The following MBTD1 variants were observed in gnomAD, a reference collection of about 807,000 sequenced individuals.
MBTD1 encodes the protein mbt domain containing 1, also known as MBT domain-containing protein 1.
Under a neutral mutation model 87.8 loss-of-function variants are expected in MBTD1, and 24 were observed. The ratio of observed to expected loss-of-function variants is 0.27; its 90% CI spans 0.20 to 0.38. The LOEUF (loss-of-function observed/expected upper bound fraction) is 0.38, where lower values mean the gene tolerates loss of function less well. Among genes scored for constraint, MBTD1 ranks in the 10% least tolerant of loss-of-function variants. MBTD1 has a pLI of 1.00. For synonymous variants in MBTD1, 237 were observed against 248.6 expected, an observed-to-expected ratio of 0.95 and a Z score of 0.44; for missense variants, 436 against 760.2, an observed-to-expected ratio of 0.57 and a Z score of 5.02.
In MBTD1 at chr17:51,187,254, C is replaced by A. The variant is rs191391229; in HGVS notation, c.1768+4949G>T. Among the ~76,000 whole-genome samples, 33 of 151,822 alleles carry A rather than the reference C, an allele frequency of 2.2e-4. No homozygotes were observed. In the East Asian group the frequency reaches 5.9e-3, roughly 27 times the overall value. ...GACCAGCCTGGGCAACACAGTGAGA[C>A]CCATCTCTACAAAAAATAAAAAAAA... On this transcript the variant is annotated intron_variant, in intron 16 of 16. Coordinates refer to ENST00000586178, the MANE Select transcript of MBTD1 (RefSeq NM_017643.3).
chr17:51,253,808 C>T (rs2054931830), intron 2 of MBTD1, among the ~76,000 whole-genome samples: 1 of 152,142 alleles, frequency 6.6e-6, no homozygotes, highest in Non-Finnish European at 1.5e-5. Context: ...AAACCATCCT[C>T]CCTATGAAAT....
intron 3 of MBTD1, among the ~76,000 whole-genome samples, chr17:51,222,003 G>T (rs549299873): frequency 6.6e-6 from 1 of 152,058 alleles, no homozygotes; most frequent in Admixed American, 6.6e-5. Context: ...AAAACTAAAC[G>T]GTTTTCTGTT....
chr17:51,224,992 G>A lies in MBTD1; in HGVS notation c.154+16C>T, dbSNP rs2053129178. On this transcript the variant is annotated intron_variant, in intron 3 of 16. Coordinates refer to ENST00000586178, the MANE Select transcript of MBTD1 (RefSeq NM_017643.3). ...AACATAAAGCTGTAGAACAGGTGAA[G>A]GTTATAAATACTCACCCATGCCAGA... The A allele has an allele frequency of 1.3e-6, 2 of 1,511,928 alleles. No homozygotes were observed. Among genetic ancestry groups the A allele is most frequent in the Non-Finnish European group, 1.8e-6 (2 of 1,119,618 alleles). The allele number at this position is 1,511,928 out of a possible 1,614,324, so 93.7% of individuals were successfully genotyped here.
chr17:51,217,430 A>AG lies in MBTD1; in HGVS notation c.404-15_404-14insC, dbSNP rs2052631219. ...CCATGGAGACTGCTAAAATGAAACA[A>AG]ATTTAGATGTATTATAATTCTCAAA... On this transcript the variant is annotated splice_polypyrimidine_tract_variant and intron_variant, in intron 5 of 16. Coordinates refer to ENST00000586178, the MANE Select transcript of MBTD1 (RefSeq NM_017643.3). 1 of 1,268,812 alleles carries AG rather than the reference A, an allele frequency of 7.9e-7. No individual in the cohort carries two copies. The highest frequency in any genetic ancestry group is 2.5e-5 in the Admixed American group (1 of 40,788). 78.6% of individuals were successfully genotyped at this position (1,268,812 alleles called of 1,614,324 possible).
At chr17:51,227,519 C>T (rs2053299459) in intron 2 of MBTD1, among the ~76,000 whole-genome samples, 1 of 151,976 alleles carries the variant, frequency 6.6e-6, no homozygotes, top group African/African-American at 2.4e-5. Flanking sequence ...CACGATCGTG[C>T]CCCTGCACTT....
chr17:51,258,008 CAA>C (rs11324573), intron 2 of MBTD1, among the ~76,000 whole-genome samples: 16,021 of 136,936 alleles, frequency 0.12, 1,308 homozygotes, highest in African/African-American at 0.25. Flanking sequence ...GGAGGTGGTG[CAA>C]AAAAAAAAAA....
intron 2 of MBTD1, among the ~76,000 whole-genome samples, chr17:51,243,711 G>A (rs1340992663): frequency 6.6e-6 from 1 of 151,978 alleles, no homozygotes. Context: ...ATTTTTTTTA[G>A]ATACAGGGTC....
intron 7 of MBTD1, among the ~76,000 whole-genome samples, 157 bp downstream of exon 7, chr17:51,206,731 G>C (rs1415400385): frequency 1.3e-5 from 2 of 152,072 alleles, no homozygotes; most frequent in Non-Finnish European, 2.9e-5. Context: ...GAAAATATTT[G>C]TTTGGCTTTT....
At chr17:51,214,838 T>A (rs1334789471) in intron 6 of MBTD1, among the ~76,000 whole-genome samples, 2 of 152,184 alleles carry the variant, frequency 1.3e-5, no homozygotes, top group Admixed American at 1.3e-4. Context: ...AAGACTTTGA[T>A]GATACAAGGC....
chr17:51,195,380 T>C lies in MBTD1; in HGVS notation c.1225-19A>G, dbSNP rs781675612. ...CTAGCACCTTTTCAATGAAGAGAATTCTAAGTACTTGAAATTAGATACCAC... is the reference window on the plus strand; with the variant it reads ...CTAGCACCTTTTCAATGAAGAGAATCCTAAGTACTTGAAATTAGATACCAC... On this transcript the variant is annotated intron_variant, in intron 12 of 16. Coordinates refer to ENST00000586178, the MANE Select transcript of MBTD1 (RefSeq NM_017643.3). The C allele has an allele frequency of 1.9e-6, 3 of 1,556,214 alleles. No individual in the cohort carries two copies. The South Asian group carries it at 3.6e-5, about 19-fold the overall frequency.
At position 51,201,606 on chromosome 17, in the gene MBTD1, C is replaced by A. The variant is rs375734252; in HGVS notation, c.1210G>T (p.Ala404Ser). 96 of 1,599,378 alleles carry A rather than the reference C, an allele frequency of 6.0e-5. No homozygotes were observed. Among genetic ancestry groups the A allele is most frequent in the Non-Finnish European group, 7.3e-5 (85 of 1,170,534 alleles). ...DPLNLSTICV[A>S]TIRKVLADGF... ...TATTATCTTACCTTTCTAATGGTTGCGACACATATTGTAGAAAGATTTAAT... is the reference window on the plus strand; with the variant it reads ...TATTATCTTACCTTTCTAATGGTTGAGACACATATTGTAGAAAGATTTAAT... The change falls in exon 12 of 17, where the codon GCA becomes TCA. Residue 404 changes from alanine (A) to serine (S), a missense_variant. Transcript: ENST00000586178.
rs1166754044 is a variant in MBTD1, at chr17:51,203,865, C to T, written c.665G>A (p.Cys222Tyr). ...FENDSGLDFWCNICGSDIHPV... is the reference protein window; with the variant it reads ...FENDSGLDFWYNICGSDIHPV... ...ATGGATATCAGAACCACATATATTGCACCAGAAGTCCAGACCAGAGTCATT... is the reference window on the plus strand; with the variant it reads ...ATGGATATCAGAACCACATATATTGTACCAGAAGTCCAGACCAGAGTCATT... The change falls in exon 8 of 17, where the codon TGC (cysteine) becomes TAC (tyrosine). Residue 222 changes from cysteine to tyrosine, a missense_variant. By Grantham distance (194) the Cys-to-Tyr change is radical (BLOSUM62 -2). Transcript: ENST00000586178. 1.2e-5 allele frequency: 19 copies of T among 1,613,458 alleles called. No homozygotes were observed. The highest frequency in any genetic ancestry group is 1.6e-5 in the Non-Finnish European group (19 of 1,179,744).
intron 2 of MBTD1, among the ~76,000 whole-genome samples, chr17:51,258,221 T>G (rs1043137193): frequency 2.8e-4 from 42 of 152,324 alleles, no homozygotes; most frequent in African/African-American, 9.9e-4. Flanking sequence ...ACATGCATTA[T>G]TTCTACATTA....
chr17:51,190,534 G>A (rs949330745), intron 16 of MBTD1, among the ~76,000 whole-genome samples: 2 of 151,032 alleles, frequency 1.3e-5, no homozygotes, highest in Admixed American at 1.3e-4. Context: ...ACCAGCCTGG[G>A]TAATATGGTG....
intron 8 of MBTD1, 152 bp downstream of exon 8, chr17:51,203,639 C>T (rs1031404972): frequency 2.9e-5 from 22 of 750,900 alleles, no homozygotes; most frequent in South Asian, 5.5e-5. Flanking sequence ...TCAAGTGATC[C>T]GACTGCCTTG....
At chr17:51,227,242 C>CAA (rs71149355) in intron 2 of MBTD1, among the ~76,000 whole-genome samples, 1,378 of 115,484 alleles carry the variant, frequency 0.012, 44 homozygotes, top group African/African-American at 0.031. Flanking sequence ...ACTCTGTCTC[C>CAA]AAAAAAAAAA....
intron 2 of MBTD1, among the ~76,000 whole-genome samples, chr17:51,226,226 T>C (rs2053209450): frequency 6.6e-6 from 1 of 150,516 alleles, no homozygotes; most frequent in Non-Finnish European, 1.5e-5. Flanking sequence ...TAAAAATAAT[T>C]GTGGGCCAGG....
chr17:51,199,599 G>A (rs1372626452), intron 12 of MBTD1, among the ~76,000 whole-genome samples: 4 of 150,416 alleles, frequency 2.7e-5, no homozygotes, highest in South Asian at 2.1e-4. Context: ...CCGCCACCAC[G>A]CCTGGCTAAT....
intron 8 of MBTD1, 57 bp downstream of exon 8, chr17:51,203,734 A>G: frequency 3.9e-6 from 6 of 1,524,992 alleles, no homozygotes; most frequent in Non-Finnish European, 5.4e-6. Context: ...CTATGTGTAA[A>G]ATAGCATTAA....
Sources: allele counts gnomAD v4.1 joint callset (sites outside exome capture counted in the v4.1 genomes callset), GRCh38; gene constraint gnomAD v4.1.1; transcripts MANE v1.5; gene names NCBI Gene and HGNC (gene_info 2026-07-23, HGNC 2026-07-21).